Variants in DGKI observed in about 807,000 individuals in gnomAD.
DGKI encodes DAG kinase iota.
A neutral mutation model predicts 147.5 loss-of-function variants in DGKI; 55 were observed. The observed-to-expected ratio is 0.37, with a 90% CI of 0.30 to 0.47. The LOEUF (loss-of-function observed/expected upper bound fraction) is 0.47. Among genes scored for constraint, DGKI ranks in the 20% least tolerant of loss-of-function variants. The pLI is 1.00. For synonymous variants in DGKI, 469 were observed against 477.1 expected (o/e 0.98, Z 0.22); for missense variants, 1,007 against 1,323.8 (o/e 0.76, Z 3.71).
At chr7:137,643,372 C>T (rs1187460394) in intron 6 of DGKI, among the ~76,000 whole-genome samples, 1 of 150,122 alleles carries the variant, frequency 6.7e-6, no homozygotes, top group Non-Finnish European at 1.5e-5. Context: ...ATGTATAGCA[C>T]CAATGTTTGG....
rs540377325 is a variant in DGKI at position 137,382,608 on chromosome 7, T to G, written c.*8612A>C. On this transcript the variant is annotated 3_prime_UTR_variant, in exon 33 of 33. Transcript: ENST00000614521. ...CTTTCTGTATGTTTCCTGAGTTTGA[T>G]TTTCAATATCTGCTAACACTATCAG... 6.6e-6 allele frequency: 1 copy of G among 152,248 alleles called. No individual in the cohort carries two copies. The highest frequency in any genetic ancestry group is 2.4e-5 in the African/African-American group (1 of 41,574). 9.4% of individuals were successfully genotyped at this position (152,248 alleles called of 1,614,324 possible).
intron 30 of DGKI, among the ~76,000 whole-genome samples, chr7:137,400,919 G>A (rs1024831026): frequency 1.3e-5 from 2 of 152,198 alleles, no homozygotes; most frequent in Admixed American, 1.3e-4. Context: ...ACTACAGATG[G>A]GAATGGGCAG....
At chr7:137,699,613 T>A (rs1321401930) in intron 1 of DGKI, among the ~76,000 whole-genome samples, 1 of 152,198 alleles carries the variant, frequency 6.6e-6, no homozygotes, top group Non-Finnish European at 1.5e-5. Flanking sequence ...AGGAAAAGCA[T>A]TAGCCTGGGA....
intron 27 of DGKI, chr7:137,453,186 T>C (rs1814044775): frequency 6.6e-6 from 1 of 152,236 alleles, no homozygotes; most frequent in Non-Finnish European, 1.5e-5. Flanking sequence ...AGCAAAGGTA[T>C]GATTTACTGT....
chr7:137,667,893 C>T (rs900787872), intron 3 of DGKI, among the ~76,000 whole-genome samples: 1 of 152,184 alleles, frequency 6.6e-6, no homozygotes, highest in Admixed American at 6.5e-5. Context: ...GGACATCATA[C>T]CCACAGAGAT....
chr7:137,586,673 A>G (rs1268823841), intron 13 of DGKI, among the ~76,000 whole-genome samples: 1 of 151,310 alleles, frequency 6.6e-6, no homozygotes, highest in African/African-American at 2.5e-5. Context: ...AACAAAACAA[A>G]ATAAAATGCT....
At chr7:137,720,527 G>A (rs1794522525) in intron 1 of DGKI, among the ~76,000 whole-genome samples, 1 of 152,088 alleles carries the variant, frequency 6.6e-6, no homozygotes, top group African/African-American at 2.4e-5. Context: ...CAAAGTGCTG[G>A]GATTACAGGT....
At chr7:137,701,167 A>ATC (rs1823969820) in intron 1 of DGKI, among the ~76,000 whole-genome samples, 1 of 152,092 alleles carries the variant, frequency 6.6e-6, no homozygotes, top group Non-Finnish European at 1.5e-5. Context: ...CAGAAAAAAA[A>ATC]AATTGATGAG....
At chr7:137,717,526 G>A (rs539239007) in intron 1 of DGKI, among the ~76,000 whole-genome samples, 58 of 152,160 alleles carry the variant, frequency 3.8e-4, no homozygotes, top group Admixed American at 7.9e-4. Flanking sequence ...ACATATGTCT[G>A]TCTGTCCGTT....
At chr7:137,832,908 A>T (rs1290849146) in intron 1 of DGKI, among the ~76,000 whole-genome samples, 1 of 152,214 alleles carries the variant, frequency 6.6e-6, no homozygotes. Flanking sequence ...TCAAGTTCTA[A>T]GTTCCACAAA....
intron 19 of DGKI, among the ~76,000 whole-genome samples, chr7:137,568,919 A>AG (rs1462026819): frequency 3.4e-5 from 5 of 149,236 alleles, no homozygotes; most frequent in South Asian, 2.2e-4. Context: ...TACAATTGTT[A>AG]GAAAAAAAAA....
chr7:137,840,963 A>G (rs1051681365), intron 1 of DGKI, among the ~76,000 whole-genome samples: 2 of 152,264 alleles, frequency 1.3e-5, no homozygotes, highest in Admixed American at 6.5e-5. Flanking sequence ...GCACTATGCC[A>G]TGTCCTTTAA....
At position 137,811,380 on chromosome 7, in the gene DGKI, TCTCTCACACA is replaced by T. The variant is rs1176200270; in HGVS notation, c.401+35072_401+35081del. 7.2e-3 allele frequency among the ~76,000 whole-genome samples: 752 copies of T among 104,024 alleles called. 7 individuals are homozygous for T. Among genetic ancestry groups the T allele is most frequent in the African/African-American group, 0.024 (724 of 29,672 alleles). The allele number at this position is 104,024 out of a possible 152,430, so 68.2% of individuals were successfully genotyped here. A position where few individuals can be genotyped will look rare whatever the true frequency, so the allele number is the denominator to read the frequency against. On this transcript the variant is annotated intron_variant, in intron 1 of 32. Coordinates refer to ENST00000614521, the MANE Select transcript of DGKI (RefSeq NM_001321708.2). The stretch of plus-strand genomic sequence containing the variant: ...CTCTCTCTCCCTCTCTCTCTCTCTC[TCTCTCACACA>T]CACACACACACACACACACACACAC...
At chr7:137,787,648 A>G (rs1796714539) in intron 1 of DGKI, among the ~76,000 whole-genome samples, 2 of 152,312 alleles carry the variant, frequency 1.3e-5, no homozygotes, top group Admixed American at 6.5e-5. Context: ...TATGAAAAAG[A>G]TACTTGCACA....
At chr7:137,776,722 A>G (rs1244756772) in intron 1 of DGKI, among the ~76,000 whole-genome samples, 7 of 152,236 alleles carry the variant, frequency 4.6e-5, no homozygotes, top group Admixed American at 2.6e-4. Flanking sequence ...GAAGTGGATT[A>G]TCAGTGTCTT....
intron 1 of DGKI, among the ~76,000 whole-genome samples, chr7:137,720,717 T>C (rs1354347930): frequency 6.6e-6 from 1 of 152,222 alleles, no homozygotes; most frequent in Non-Finnish European, 1.5e-5. Flanking sequence ...AGTGTTTCAA[T>C]GGAAAGGTAA....
intron 1 of DGKI, among the ~76,000 whole-genome samples, chr7:137,808,798 G>A (rs545757956): frequency 4.9e-4 from 74 of 152,320 alleles, no homozygotes; most frequent in Non-Finnish European, 9.8e-4. Flanking sequence ...TGCAAACCAT[G>A]AGGATGTCAA....
intron 14 of DGKI, among the ~76,000 whole-genome samples, chr7:137,583,500 C>T (rs911715998): frequency 3.9e-5 from 6 of 152,276 alleles, no homozygotes; most frequent in Admixed American, 6.5e-5. Flanking sequence ...GTCACCATCA[C>T]CTAAATCATA....
intron 1 of DGKI, among the ~76,000 whole-genome samples, chr7:137,820,257 G>A (rs1157515370): frequency 6.6e-6 from 1 of 152,212 alleles, no homozygotes; most frequent in African/African-American, 2.4e-5. Context: ...GAATCTCACA[G>A]CAGGAGGCCC....
Sources: allele counts gnomAD v4.1 joint callset (sites outside exome capture counted in the v4.1 genomes callset), GRCh38; gene constraint gnomAD v4.1.1; transcripts MANE v1.5; gene names NCBI Gene and HGNC (gene_info 2026-07-23, HGNC 2026-07-21).